PDE11A: variants seen among roughly 807,000 people sequenced by gnomAD.
PDE11A encodes the protein dual 3',5'-cyclic-AMP and -GMP phosphodiesterase 11A.
In PDE11A, 100 loss-of-function variants were observed where a neutral mutation model predicts 100.5. The observed-to-expected ratio is 1.00, with a 90% CI of 0.85 to 1.18. The LOEUF (loss-of-function observed/expected upper bound fraction) is 1.18. Among genes scored for constraint, PDE11A ranks in the 50% most tolerant of loss-of-function variants. The pLI is 0.00. For synonymous variants in PDE11A, 381 were observed against 420.8 expected, an observed-to-expected ratio of 0.91 and a Z score of 1.16; for missense variants, 1,141 against 1,152.6, an observed-to-expected ratio of 0.99 and a Z score of 0.15.
intron 13 of PDE11A, among the ~76,000 whole-genome samples, chr2:177,701,561 C>T (rs1219689351): frequency 6.6e-6 from 1 of 152,138 alleles, no homozygotes; most frequent in Non-Finnish European, 1.5e-5. Flanking sequence ...ATACTAATCA[C>T]TGTAGAAATG....
chr2:178,097,787 A>T (rs966492670), intron 2 of PDE11A, among the ~76,000 whole-genome samples: 1 of 152,250 alleles, frequency 6.6e-6, no homozygotes, highest in African/African-American at 2.4e-5. Flanking sequence ...TCTAAGGTCA[A>T]ATGACAGATA....
At chr2:177,681,041 G>C in intron 15 of PDE11A, 138 bp from the exon 16 acceptor site, 1 of 633,426 alleles carries the variant, frequency 1.6e-6, no homozygotes, top group Non-Finnish European at 2.8e-6. Context: ...GAAATCATGA[G>C]GCTAAAGCAC....
At chr2:177,833,563 T>TG (rs1166120019) in intron 6 of PDE11A, among the ~76,000 whole-genome samples, 6 of 152,202 alleles carry the variant, frequency 3.9e-5, no homozygotes, top group African/African-American at 1.4e-4. Context: ...TGTGTGGTCT[T>TG]GGCAGACCAC....
intron 2 of PDE11A, among the ~76,000 whole-genome samples, chr2:177,961,063 C>T (rs2085626296): frequency 1.3e-5 from 2 of 152,102 alleles, no homozygotes; most frequent in Admixed American, 6.5e-5. Flanking sequence ...CAGGATGCTG[C>T]CCCCAAATGG....
At chr2:178,035,419 G>A (rs1305344217) in intron 1 of PDE11A, among the ~76,000 whole-genome samples, 1 of 152,180 alleles carries the variant, frequency 6.6e-6, no homozygotes, top group Non-Finnish European at 1.5e-5. Context: ...AGGACCAGAT[G>A]GCTTCACAGC....
intron 4 of PDE11A, among the ~76,000 whole-genome samples, chr2:177,893,156 T>C (rs964532658): frequency 4.6e-5 from 7 of 152,212 alleles, no homozygotes; most frequent in African/African-American, 1.7e-4. Context: ...AAGAATGGGA[T>C]AGTCTAGGGC....
chr2:177,821,307 A>T (rs1329657905), intron 6 of PDE11A, among the ~76,000 whole-genome samples: 1 of 151,730 alleles, frequency 6.6e-6, no homozygotes, highest in Non-Finnish European at 1.5e-5. Flanking sequence ...ATTAACATGC[A>T]TGTAGAAAGG....
intron 2 of PDE11A, among the ~76,000 whole-genome samples, chr2:177,969,363 C>T (rs572892588): frequency 2.0e-5 from 3 of 152,204 alleles, no homozygotes; most frequent in Admixed American, 2.0e-4. Context: ...TAGCAAACCA[C>T]CATGGCACAT....
chr2:177,825,412 G>T (rs936562709), intron 6 of PDE11A, among the ~76,000 whole-genome samples: 6 of 152,146 alleles, frequency 3.9e-5, no homozygotes, highest in African/African-American at 1.4e-4. Flanking sequence ...GAACAAGGAA[G>T]GATGGCAGAG....
intron 4 of PDE11A, among the ~76,000 whole-genome samples, chr2:177,887,093 C>A (rs1324912986): frequency 6.6e-6 from 1 of 152,008 alleles, no homozygotes; most frequent in Non-Finnish European, 1.5e-5. Context: ...ATCTGAGCCA[C>A]CAGAATAAGT....
rs993069899 is a variant in PDE11A, at chr2:177,781,557, T to C, written c.1738-12184A>G. Among the ~76,000 whole-genome samples the C allele has an allele frequency of 9.2e-5, 14 of 151,830 alleles. 1 individual carries two copies. Among genetic ancestry groups the C allele is most frequent in the Middle Eastern group, 6.4e-3 (2 of 312 alleles). On this transcript the variant is annotated intron_variant, in intron 9 of 19. Transcript: ENST00000286063. ...TCACTCTGTTCCCCAGGCTGGAGTG[T>C]AGTGGCTTGATCTCAGTTCACTGCA...
At chr2:177,653,567 G>C (rs1574100358) in intron 19 of PDE11A, among the ~76,000 whole-genome samples, 2 of 152,144 alleles carry the variant, frequency 1.3e-5, no homozygotes, top group East Asian at 3.8e-4. Context: ...AGATCATATT[G>C]GATTAGAATG....
In PDE11A at chr2:177,670,154, T is replaced by C. The variant is rs565257618; in HGVS notation, c.2488-587A>G. ...GGACTAATGCCAGATTCACTGTTCA[T>C]AGCAGACTTTTACAGTAGGTCACGG... On this transcript the variant is annotated intron_variant, in intron 17 of 19. Coordinates refer to ENST00000286063, the MANE Select transcript of PDE11A (RefSeq NM_016953.4). Among the ~76,000 whole-genome samples, 4 of 152,310 alleles carry C rather than the reference T, an allele frequency of 2.6e-5. No individual in the cohort carries two copies. The South Asian group carries it at 8.3e-4, about 32-fold the overall frequency.
At chr2:178,059,703 T>G (rs1373153230) in intron 1 of PDE11A, among the ~76,000 whole-genome samples, 1 of 152,194 alleles carries the variant, frequency 6.6e-6, no homozygotes, top group Non-Finnish European at 1.5e-5. Flanking sequence ...GAGTGAAAAC[T>G]GAAACAGGAA....
At chr2:177,722,369 C>T (rs944297759) in intron 12 of PDE11A, among the ~76,000 whole-genome samples, 9 of 152,082 alleles carry the variant, frequency 5.9e-5, no homozygotes, top group African/African-American at 1.9e-4. Context: ...TGAATGGCAG[C>T]GCTTAAAGTG....
intron 10 of PDE11A, among the ~76,000 whole-genome samples, chr2:177,750,334 TA>T (rs1001223704): frequency 6.6e-6 from 1 of 152,230 alleles, no homozygotes; most frequent in Admixed American, 6.5e-5. Flanking sequence ...AGCTTTGAAA[TA>T]TACATTACTG....
intron 5 of PDE11A, among the ~76,000 whole-genome samples, chr2:177,874,779 A>G (rs1422786008): frequency 6.6e-6 from 1 of 152,228 alleles, no homozygotes. Flanking sequence ...TTTTTATTGG[A>G]AGATTTAGTC....
chr2:177,848,894 T>A (rs2083649416), intron 5 of PDE11A, among the ~76,000 whole-genome samples: 1 of 152,204 alleles, frequency 6.6e-6, no homozygotes, highest in Non-Finnish European at 1.5e-5. Context: ...ATAAAAAGAC[T>A]ATCTTCAGCA....
chr2:177,933,599 T>C (rs10165192), intron 2 of PDE11A, among the ~76,000 whole-genome samples: 13,131 of 152,108 alleles, frequency 0.086, 533 homozygotes, highest in South Asian at 0.1. Context: ...GAGAATTGCT[T>C]GAACCAGGGA....
Sources: allele counts gnomAD v4.1 joint callset (sites outside exome capture counted in the v4.1 genomes callset), GRCh38; gene constraint gnomAD v4.1.1; transcripts MANE v1.5; gene names NCBI Gene and HGNC (gene_info 2026-07-23, HGNC 2026-07-21).